FRAS1: variants seen among roughly 807,000 people sequenced by gnomAD.
FRAS1 encodes Fraser extracellular matrix complex subunit 1, also known as extracellular matrix organizing protein FRAS1.
A neutral mutation model predicts 435.2 loss-of-function variants in FRAS1; 290 were observed. The observed-to-expected ratio is 0.67, with a 90% CI of 0.61 to 0.73. The LOEUF is 0.73. Among genes scored for constraint, FRAS1 ranks in the 30% least tolerant of loss-of-function variants. The pLI is 0.00. For synonymous variants in FRAS1, 1,800 were observed against 1,851.0 expected (o/e 0.97, Z 0.71); for missense variants, 4,860 against 5,001.5 (o/e 0.97, Z 0.85).
rs1720040661 is a variant in FRAS1, at chr4:78,482,473, A to T, written c.8690A>T (p.Gln2897Leu). The T allele has an allele frequency of 2.5e-6, 4 of 1,613,908 alleles. No homozygotes were observed. The Middle Eastern group carries it at 4.9e-4, about 200-fold the overall frequency. Residue 2897 changes from glutamine (Q) to leucine (L), a missense_variant, in exon 58 of 74, where the codon CAA becomes CTA. By Grantham distance (113) the Gln-to-Leu change is moderately radical. Coordinates refer to ENST00000512123, the MANE Select transcript of FRAS1 (RefSeq NM_025074.7). Reference sequence around the variant, plus strand: ...TTTGTGGTTTTCCTCAGCTCAGCACAAGGAGCCGAACTGACCAAACCCTTC... The same window carrying T: ...TTTGTGGTTTTCCTCAGCTCAGCACTAGGAGCCGAACTGACCAAACCCTTC... ...ETFVVFLSSA[Q>L]GAELTKPFQA...
intron 64 of FRAS1, among the ~76,000 whole-genome samples, chr4:78,511,937 C>A (rs903435586): frequency 2.6e-5 from 4 of 152,208 alleles, no homozygotes; most frequent in Non-Finnish European, 4.4e-5. Flanking sequence ...GCTTCTCTGG[C>A]ACCTGTATAT....
At chr4:78,412,017 G>A (rs1733359017) in intron 31 of FRAS1, among the ~76,000 whole-genome samples, 1 of 152,188 alleles carries the variant, frequency 6.6e-6, no homozygotes, top group South Asian at 2.1e-4. Flanking sequence ...AGCTAATGCA[G>A]TGCTGAGCCC....
At chr4:78,069,257 C>A (rs1032668289) in intron 2 of FRAS1, among the ~76,000 whole-genome samples, 3 of 152,158 alleles carry the variant, frequency 2.0e-5, no homozygotes, top group African/African-American at 7.2e-5. Flanking sequence ...TTGTTCATCT[C>A]CCAGGTGAGT....
rs1194671791 is a variant in FRAS1, at chr4:78,508,898, A to G, written c.9672A>G (p.Thr3224=). ...ERCSEAGINQ[T]SVQFSWEVAA... is the part of the protein sequence containing the mutation. ...GCAGTGAGGCCGGCATCAACCAGAC[A>G]TCTGTGCAGTTCAGCTGGGAAGTGG... Residue 3224 remains threonine, a synonymous_variant, in exon 63 of 74, where the codon ACA becomes ACG. Coordinates refer to ENST00000512123, the MANE Select transcript of FRAS1 (RefSeq NM_025074.7). 3.7e-6 allele frequency: 6 copies of G among 1,613,810 alleles called. No homozygotes were observed. Among genetic ancestry groups the G allele is most frequent in the Non-Finnish European group, 4.2e-6 (5 of 1,179,886 alleles).
intron 58 of FRAS1, among the ~76,000 whole-genome samples, chr4:78,487,351 C>G (rs1307929922): frequency 6.6e-6 from 1 of 152,196 alleles, no homozygotes; most frequent in Non-Finnish European, 1.5e-5. Context: ...AGAGAGCTTT[C>G]TGTACATTGA....
intron 2 of FRAS1, among the ~76,000 whole-genome samples, chr4:78,084,802 G>A (rs1560512477): frequency 6.6e-6 from 1 of 152,056 alleles, no homozygotes; most frequent in African/African-American, 2.4e-5. Flanking sequence ...GCTAATTATT[G>A]TTACTGGATT....
intron 4 of FRAS1, among the ~76,000 whole-genome samples, chr4:78,246,580 C>T (rs926391801): frequency 6.6e-6 from 1 of 152,278 alleles, no homozygotes; most frequent in African/African-American, 2.4e-5. Flanking sequence ...AGAAGAAAAT[C>T]CCTATGAACT....
intron 37 of FRAS1, 58 bp downstream of exon 37, chr4:78,430,475 A>C (rs1232329649): frequency 1.3e-6 from 2 of 1,567,876 alleles, no homozygotes; most frequent in Non-Finnish European, 1.7e-6. Context: ...TTTGCTCTAC[A>C]ATCAGTTGTT....
chr4:78,500,533 G>A (rs1720643867), intron 61 of FRAS1, among the ~76,000 whole-genome samples: 1 of 152,170 alleles, frequency 6.6e-6, no homozygotes, highest in South Asian at 2.1e-4. Flanking sequence ...CTGTATGCTA[G>A]GTTTCTTCAC....
In FRAS1 at chr4:78,369,865, A is replaced by G; in HGVS notation, c.2750A>G (p.Asp917Gly). The G allele has an allele frequency of 6.2e-7, 1 of 1,613,416 alleles. No individual in the cohort carries two copies. The highest frequency in any genetic ancestry group is 1.7e-4 in the Middle Eastern group (1 of 6,056). ...TGCAACACACACTGTGGAAGCTGTGATTCACAGGCCAGCTGTACCTCCTGC... is the reference window on the plus strand; with the variant it reads ...TGCAACACACACTGTGGAAGCTGTGGTTCACAGGCCAGCTGTACCTCCTGC... ...QPCNTHCGSC[D>G]SQASCTSCRD... Residue 917 changes from aspartate to glycine, a missense_variant, in exon 23 of 74, where the codon GAT (aspartate) becomes GGT (glycine). Physicochemically the swap from Asp to Gly is moderately conservative, Grantham distance 94. Transcript: ENST00000512123.
chr4:78,498,886 C>T (rs541915156), intron 60 of FRAS1, among the ~76,000 whole-genome samples: 8 of 143,626 alleles, frequency 5.6e-5, no homozygotes, highest in African/African-American at 1.9e-4. Flanking sequence ...TTTGCTTTGT[C>T]GCCCAGGCTG....
In FRAS1 at chr4:78,334,004, G is replaced by A. The variant is rs1350451532; in HGVS notation, c.2278+592G>A. Among the ~76,000 whole-genome samples the A allele has an allele frequency of 2.6e-5, 4 of 152,110 alleles. No individual in the cohort carries two copies. In the East Asian group the frequency reaches 7.7e-4, roughly 29 times the overall value. On this transcript the variant is annotated intron_variant, in intron 19 of 73. Coordinates refer to ENST00000512123, the MANE Select transcript of FRAS1 (RefSeq NM_025074.7). ...TGTGGAAAAAGTGTTGCCCAGGCTA[G>A]ACATGAACTCCTGGGCTCAAGTGAT...
At chr4:78,304,638 C>G (rs1189548321) in intron 14 of FRAS1, among the ~76,000 whole-genome samples, 1 of 151,890 alleles carries the variant, frequency 6.6e-6, no homozygotes, top group Non-Finnish European at 1.5e-5. Flanking sequence ...TCTAGATTTT[C>G]TAGTTTATTT....
At chr4:78,090,935 TG>T (rs1464540075) in intron 2 of FRAS1, among the ~76,000 whole-genome samples, 9 of 152,200 alleles carry the variant, frequency 5.9e-5, no homozygotes, top group African/African-American at 2.2e-4. Flanking sequence ...TTATAAATCA[TG>T]GATATTAATA....
rs1180377796 is a variant in FRAS1, at chr4:78,282,925, G to A, written c.1213G>A (p.Ala405Thr). 6.2e-7 allele frequency: 1 copy of A among 1,608,958 alleles called. No individual in the cohort carries two copies. Among genetic ancestry groups the A allele is most frequent in the East Asian group, 2.2e-5 (1 of 44,688 alleles). The change falls in exon 12 of 74, where the codon GCC becomes ACC. Residue 405 changes from alanine to threonine, a missense_variant. Physicochemically the swap from Ala to Thr is moderately conservative, Grantham distance 58. Coordinates refer to ENST00000512123, the MANE Select transcript of FRAS1 (RefSeq NM_025074.7). ...SCPPCPVGTL[A>T]LEVKGQCCPD... is the part of the protein sequence containing the mutation. ...CCCACCATGTCCAGTGGGCACACTG[G>A]CCTTAGAGGTGAAGGGACAGTGCTG...
intron 23 of FRAS1, among the ~76,000 whole-genome samples, chr4:78,371,817 C>T (rs1195107643): frequency 6.6e-6 from 1 of 152,160 alleles, no homozygotes; most frequent in Non-Finnish European, 1.5e-5. Flanking sequence ...CCATTAAAAA[C>T]AACAGCAACA....
intron 59 of FRAS1, among the ~76,000 whole-genome samples, chr4:78,490,371 T>G (rs1358109682): frequency 6.6e-6 from 1 of 152,202 alleles, no homozygotes; most frequent in Non-Finnish European, 1.5e-5. Flanking sequence ...CAGCACCATA[T>G]GGCACTTATT....
chr4:78,310,487 G>T (rs1728972021), intron 15 of FRAS1, among the ~76,000 whole-genome samples: 1 of 152,168 alleles, frequency 6.6e-6, no homozygotes, highest in South Asian at 2.1e-4. Context: ...ACATCTCAAA[G>T]AAACTTCCAG....
chr4:78,243,285 T>G (rs1371535594), intron 3 of FRAS1, among the ~76,000 whole-genome samples: 1 of 152,216 alleles, frequency 6.6e-6, no homozygotes, highest in East Asian at 1.9e-4. Context: ...CCCACTATTG[T>G]AAGCACTCAA....
Sources: gnomAD v4.1 joint callset for allele counts (sites outside exome capture counted in the v4.1 genomes callset) on GRCh38, gnomAD v4.1.1 for gene constraint, MANE v1.5 for transcripts, NCBI Gene and HGNC (gene_info 2026-07-23, HGNC 2026-07-21) for gene names.